ZBTB20: variants seen among roughly 807,000 people sequenced by gnomAD.
ZBTB20 encodes zinc finger and BTB domain containing 20, also known as zinc finger and BTB domain-containing protein 20.
In ZBTB20, 9 loss-of-function variants were observed where a neutral mutation model predicts 56.9. The observed-to-expected ratio is 0.16, with a 90% CI of 0.10 to 0.28. ZBTB20 has a LOEUF of 0.28. Among genes scored for constraint, ZBTB20 ranks in the 10% least tolerant of loss-of-function variants. ZBTB20 has a pLI of 1.00. For missense variants in ZBTB20, 655 were observed against 1,003.0 expected (o/e 0.65, Z 4.69); for synonymous variants, 417 against 420.7 (o/e 0.99, Z 0.11).
At chr3:114,353,317 G>C (rs561339934) in intron 10 of ZBTB20, among the ~76,000 whole-genome samples, 1 of 152,244 alleles carries the variant, frequency 6.6e-6, no homozygotes, top group South Asian at 2.1e-4. Flanking sequence ...AACTCTTTCC[G>C]CTCTACCTTG....
intron 7 of ZBTB20, among the ~76,000 whole-genome samples, chr3:114,428,714 A>G (rs572538522): frequency 6.6e-6 from 1 of 152,360 alleles, no homozygotes; most frequent in South Asian, 2.1e-4. Context: ...TGCATCAAGG[A>G]AAAAACTTGT....
intron 2 of ZBTB20, among the ~76,000 whole-genome samples, chr3:114,993,261 G>A (rs2078893611): frequency 6.6e-6 from 1 of 151,898 alleles, no homozygotes; most frequent in Non-Finnish European, 1.5e-5. Context: ...AGAAGAGATG[G>A]AGAAACAGAT....
chr3:114,804,041 C>T (rs570062849), intron 4 of ZBTB20, among the ~76,000 whole-genome samples: 7 of 151,892 alleles, frequency 4.6e-5, no homozygotes, highest in African/African-American at 1.2e-4. Flanking sequence ...GCAACAGCTC[C>T]GTAATCAATG....
chr3:114,606,701 C>T (rs1489973789), intron 6 of ZBTB20, among the ~76,000 whole-genome samples: 2 of 152,190 alleles, frequency 1.3e-5, no homozygotes, highest in Non-Finnish European at 2.9e-5. Flanking sequence ...TCTGGAGCAG[C>T]ACTTTCTCTC....
intron 10 of ZBTB20, among the ~76,000 whole-genome samples, chr3:114,373,748 G>A (rs1478855422): frequency 2.6e-5 from 4 of 152,154 alleles, no homozygotes; most frequent in African/African-American, 9.7e-5. Flanking sequence ...AATCTTAGCT[G>A]AGGACTTGGT....
At chr3:115,133,258 G>A (rs1388098462) in intron 1 of ZBTB20, among the ~76,000 whole-genome samples, 1 of 152,050 alleles carries the variant, frequency 6.6e-6, no homozygotes, top group Non-Finnish European at 1.5e-5. Flanking sequence ...TTTCTCAAGG[G>A]TTTTAAATTT....
chr3:114,380,664 C>T (rs188761604), intron 9 of ZBTB20, 113 bp downstream of exon 9: 1 of 1,395,584 alleles, frequency 7.2e-7, no homozygotes, highest in East Asian at 2.6e-5. Context: ...AGACCCTGTC[C>T]CAGAACTTTA....
intron 2 of ZBTB20, among the ~76,000 whole-genome samples, chr3:115,067,794 C>T (rs1576696883): frequency 6.6e-6 from 1 of 152,052 alleles, no homozygotes; most frequent in Non-Finnish European, 1.5e-5. Context: ...ATGATATGCT[C>T]GCCATTAATA....
chr3:114,546,328 A>G (rs534567486), intron 6 of ZBTB20, among the ~76,000 whole-genome samples: 2 of 152,256 alleles, frequency 1.3e-5, no homozygotes, highest in East Asian at 1.9e-4. Flanking sequence ...AACTTCCTCT[A>G]CCGAATGGTG....
intron 3 of ZBTB20, among the ~76,000 whole-genome samples, chr3:114,953,629 ATGT>A (rs1279911627): frequency 6.6e-6 from 1 of 152,074 alleles, no homozygotes; most frequent in Admixed American, 6.6e-5. Flanking sequence ...ACATCATATA[ATGT>A]TGAAGAGTTA....
chr3:115,077,266 C>A (rs1041871538), intron 1 of ZBTB20, among the ~76,000 whole-genome samples: 7 of 152,120 alleles, frequency 4.6e-5, no homozygotes, highest in Non-Finnish European at 7.4e-5. Context: ...TACCCCTCCC[C>A]CAAATTCATA....
chr3:115,093,810 T>C (rs1226077155), intron 1 of ZBTB20, among the ~76,000 whole-genome samples: 2 of 152,132 alleles, frequency 1.3e-5, no homozygotes. Context: ...TGTTTTGACT[T>C]TTTCTTCTAT....
chr3:114,754,752 A>T (rs2067872016), intron 5 of ZBTB20, among the ~76,000 whole-genome samples: 1 of 152,192 alleles, frequency 6.6e-6, no homozygotes, highest in Non-Finnish European at 1.5e-5. Context: ...TAATATTTTT[A>T]AAATGGTGAG....
intron 7 of ZBTB20, among the ~76,000 whole-genome samples, chr3:114,481,618 G>A (rs1234274045): frequency 6.6e-6 from 1 of 152,212 alleles, no homozygotes; most frequent in Non-Finnish European, 1.5e-5. Flanking sequence ...CGCATCTCCA[G>A]TCCCAATGCA....
At chr3:115,122,940 T>C (rs993152057) in intron 1 of ZBTB20, among the ~76,000 whole-genome samples, 3 of 152,080 alleles carry the variant, frequency 2.0e-5, no homozygotes, top group Non-Finnish European at 4.4e-5. Flanking sequence ...GGCAAACACG[T>C]ATTAATCAAA....
chr3:114,921,015 A>G (rs1462836313), intron 3 of ZBTB20, among the ~76,000 whole-genome samples: 1 of 152,246 alleles, frequency 6.6e-6, no homozygotes, highest in Non-Finnish European at 1.5e-5. Context: ...GAAACATATA[A>G]GATGCAAAGA....
intron 6 of ZBTB20, among the ~76,000 whole-genome samples, chr3:114,520,959 G>C (rs2046570072): frequency 6.6e-6 from 1 of 152,046 alleles, no homozygotes; most frequent in South Asian, 2.1e-4. Flanking sequence ...AATCACCCGT[G>C]CATATAGATG....
intron 7 of ZBTB20, among the ~76,000 whole-genome samples, chr3:114,419,923 AG>A (rs2088978213): frequency 6.6e-6 from 1 of 152,032 alleles, no homozygotes. Context: ...ACTTGAGGGG[AG>A]GGGAACTGGG....
intron 6 of ZBTB20, among the ~76,000 whole-genome samples, chr3:114,514,679 A>G (rs2045785662): frequency 1.3e-5 from 2 of 152,212 alleles, no homozygotes; most frequent in Admixed American, 1.3e-4. Flanking sequence ...GACATATGAC[A>G]ACATTCAATC....
Sources: allele counts gnomAD v4.1 joint callset (sites outside exome capture counted in the v4.1 genomes callset), GRCh38; gene constraint gnomAD v4.1.1; transcripts MANE v1.5; gene names NCBI Gene and HGNC (gene_info 2026-07-23, HGNC 2026-07-21).